Variants in CDC27 observed in about 807,000 individuals in gnomAD.
CDC27 encodes the protein cell division cycle protein 27 homolog.
Under a neutral mutation model 109.7 loss-of-function variants are expected in CDC27, and 27 were observed. The observed-to-expected ratio is 0.25, with a 90% CI of 0.18 to 0.34. The LOEUF is 0.34. Among genes scored for constraint, CDC27 ranks in the 10% least tolerant of loss-of-function variants. The pLI, the probability that CDC27 is intolerant of heterozygous loss-of-function variation, is 1.00. For missense variants in CDC27, 579 were observed against 960.2 expected, an observed-to-expected ratio of 0.60 and a Z score of 5.25; for synonymous variants, 266 against 333.9, an observed-to-expected ratio of 0.80 and a Z score of 2.22.
At chr17:47,172,183 C>G (rs2063831497) in intron 2 of CDC27, 119 bp from the exon 3 acceptor site, 1 of 581,512 alleles carries the variant, frequency 1.7e-6, no homozygotes, top group African/African-American at 2.0e-5. Flanking sequence ...TAACACAAAA[C>G]AATCACTTAT....
At position 47,170,037 on chromosome 17, in the gene CDC27, G is replaced by A; in HGVS notation, c.257C>T (p.Ala86Val). The change falls in exon 4 of 19, where the codon GCA becomes GTA. Residue 86 changes from alanine (A) to valine (V), a missense_variant. Physicochemically the swap from Ala to Val is moderately conservative, Grantham distance 64 (BLOSUM62 0). Around this residue, in one of 9 missense-constraint regions of CDC27, gnomAD observed 52 missense variants for 63.4 expected, o/e 0.82. Transcript: ENST00000066544. ...AKCCVDLSKL[A>V]EGEQILSGGV... The stretch of plus-strand genomic sequence containing the variant: ...ACCAGATAAGATTTGTTCCCCTTCT[G>A]CAAGCCTTTAAAATACAAATTTAAA... 6.6e-7 allele frequency: 1 copy of A among 1,508,050 alleles called. No individual in the cohort carries two copies. Among genetic ancestry groups the A allele is most frequent in the Non-Finnish European group, 8.8e-7 (1 of 1,131,052 alleles). 93.4% of individuals were successfully genotyped at this position (1,508,050 alleles called of 1,614,324 possible). A position where few individuals can be genotyped will look rare whatever the true frequency, so the allele number is the denominator to read the frequency against.
At chr17:47,166,013 C>T (rs992605902) in intron 4 of CDC27, among the ~76,000 whole-genome samples, 1 of 152,146 alleles carries the variant, frequency 6.6e-6, no homozygotes, top group African/African-American at 2.4e-5. Context: ...GAATTACTGG[C>T]TCAAATAGTA....
intron 2 of CDC27, among the ~76,000 whole-genome samples, chr17:47,172,538 G>C (rs943468393): frequency 6.6e-6 from 1 of 151,932 alleles, no homozygotes; most frequent in African/African-American, 2.4e-5. Flanking sequence ...AAATCCACTT[G>C]TTTTGCTTTA....
chr17:47,155,188 A>G (rs1021655123), intron 7 of CDC27, among the ~76,000 whole-genome samples: 2 of 152,198 alleles, frequency 1.3e-5, no homozygotes, highest in African/African-American at 4.8e-5. Context: ...TCTCATGGTC[A>G]TGCTATTTTA....
rs201209799 is a variant in CDC27, at chr17:47,154,784, A to T, written c.845T>A (p.Phe282Tyr). 7 of 1,514,712 alleles carry T rather than the reference A, an allele frequency of 4.6e-6. No homozygotes were observed. Among genetic ancestry groups the T allele is most frequent in the Non-Finnish European group, 4.6e-6 (5 of 1,091,072 alleles). 93.8% of individuals were successfully genotyped at this position (1,514,712 alleles called of 1,614,324 possible). ...TGGGGTTTCTAATGGCAAAATCCCA[A>T]AACTGAGAAGAGGTTGAAATCAAGG... ...PAALSPLTPS[F>Y]GILPLETPSP... The change falls in exon 8 of 19, where the codon TTT becomes TAT. Residue 282 changes from phenylalanine to tyrosine, a missense_variant and splice_region_variant. Physicochemically the swap from Phe to Tyr is conservative, Grantham distance 22. Around this residue, in one of 9 missense-constraint regions of CDC27, gnomAD observed 74 missense variants for 148.9 expected, o/e 0.50. Coordinates refer to ENST00000066544, the MANE Select transcript of CDC27 (RefSeq NM_001256.6).
At chr17:47,169,156 A>G (rs11570479) in intron 4 of CDC27, among the ~76,000 whole-genome samples, 255 of 151,794 alleles carry the variant, frequency 1.7e-3, no homozygotes, top group African/African-American at 5.8e-3. Context: ...ACACCCAGCT[A>G]ATTTTTTATT....
At chr17:47,187,737 A>G (rs533125162) in intron 1 of CDC27, among the ~76,000 whole-genome samples, 391 of 152,086 alleles carry the variant, frequency 2.6e-3, no homozygotes, top group Non-Finnish European at 3.4e-3. Context: ...TTAAAACAAA[A>G]TTATAAGAAT....
intron 4 of CDC27, among the ~76,000 whole-genome samples, chr17:47,166,064 A>G (rs1332437589): frequency 6.6e-6 from 1 of 152,162 alleles, no homozygotes; most frequent in Non-Finnish European, 1.5e-5. Context: ...TTATTTTTAT[A>G]TATCACTGAT....
intron 12 of CDC27, among the ~76,000 whole-genome samples, chr17:47,140,201 C>G (rs989796093): frequency 3.9e-5 from 6 of 152,104 alleles, no homozygotes; most frequent in African/African-American, 1.4e-4. Context: ...CAGCCTTGAC[C>G]TGCAGGGCTC....
At chr17:47,138,929 T>A (rs957385527) in intron 12 of CDC27, 38 bp from the exon 13 acceptor site, 7 of 1,348,662 alleles carry the variant, frequency 5.2e-6, no homozygotes, top group Non-Finnish European at 7.2e-6. Context: ...AACAAGTTGA[T>A]ACAATTTATA....
chr17:47,154,641 A>C lies in CDC27; in HGVS notation c.957+31T>G, dbSNP rs182604402. The C allele has an allele frequency of 1.5e-4, 175 of 1,169,108 alleles. No individual in the cohort carries two copies. The African/African-American group carries it at 2.5e-3, about 16-fold the overall frequency. 72.4% of individuals were successfully genotyped at this position (1,169,108 alleles called of 1,614,324 possible). ...TGAAATAAACAAGTTGCTTTAATCA[A>C]TTCCCAAACTGCATTTTACATGGAA... On this transcript the variant is annotated intron_variant, in intron 8 of 18. Transcript: ENST00000066544.
chr17:47,154,245 C>T (rs1371960405), intron 8 of CDC27, among the ~76,000 whole-genome samples: 1 of 151,480 alleles, frequency 6.6e-6, no homozygotes, highest in Non-Finnish European at 1.5e-5. Context: ...AATTTTTTTT[C>T]ATATAATTAT....
chr17:47,145,615 C>A (rs2062932557), intron 9 of CDC27, among the ~76,000 whole-genome samples: 1 of 152,054 alleles, frequency 6.6e-6, no homozygotes, highest in South Asian at 2.1e-4. Context: ...TAAAGGTCAA[C>A]CATGTGGCCG....
At chr17:47,168,521 C>T (rs1567702944) in intron 4 of CDC27, among the ~76,000 whole-genome samples, 1 of 152,078 alleles carries the variant, frequency 6.6e-6, no homozygotes, top group Admixed American at 6.6e-5. Flanking sequence ...TCTTTATATT[C>T]AAGCCAAGTA....
intron 2 of CDC27, among the ~76,000 whole-genome samples, chr17:47,174,371 T>C (rs1320539716): frequency 1.3e-5 from 2 of 152,210 alleles, no homozygotes; most frequent in African/African-American, 4.8e-5. Context: ...TTCAGAAAAC[T>C]TCTTGAGGCT....
chr17:47,179,479 C>A (rs1345012367), intron 2 of CDC27, among the ~76,000 whole-genome samples: 1 of 152,176 alleles, frequency 6.6e-6, no homozygotes, highest in East Asian at 1.9e-4. Context: ...TTACTAGTTA[C>A]CGCCTGTGGA....
Position 47,188,847 on chromosome 17 carries a change from C to A in CDC27, c.27+299G>T. On this transcript the variant is annotated intron_variant, in intron 1 of 18. Coordinates refer to ENST00000066544, the MANE Select transcript of CDC27 (RefSeq NM_001256.6). ...TTTTCGGCCCCTCATCTCCCACCCC[C>A]AGTCAAGCCAGGCCCCTGGACTGAC... The A allele has an allele frequency of 2.3e-6, 3 of 1,286,590 alleles. No homozygotes were observed. In the South Asian group the frequency reaches 6.7e-5, roughly 29 times the overall value. The allele number at this position is 1,286,590 out of a possible 1,614,324, so 79.7% of individuals were successfully genotyped here. A position where few individuals can be genotyped will look rare whatever the true frequency, so the allele number is the denominator to read the frequency against.
In CDC27 at chr17:47,158,192, C is replaced by A; in HGVS notation, c.475+14G>T. ...AGATGGGAACCCACCCACCTCTCAA[C>A]CCCACCCACCTACCTATTTCACATA... is the stretch of plus-strand genomic sequence containing the variant. On this transcript the variant is annotated intron_variant, in intron 5 of 18. Transcript: ENST00000066544. 3.1e-6 allele frequency: 4 copies of A among 1,298,778 alleles called. No individual in the cohort carries two copies. Among genetic ancestry groups the A allele is most frequent in the South Asian group, 1.5e-5 (1 of 68,442 alleles). The allele number at this position is 1,298,778 out of a possible 1,614,324, so 80.5% of individuals were successfully genotyped here. A position where few individuals can be genotyped will look rare whatever the true frequency, so the allele number is the denominator to read the frequency against.
chr17:47,162,443 T>C (rs1052454714), intron 4 of CDC27, among the ~76,000 whole-genome samples: 1 of 152,214 alleles, frequency 6.6e-6, no homozygotes, highest in Non-Finnish European at 1.5e-5. Flanking sequence ...TCTCTGAGAA[T>C]GGAGAATTAG....
Sources: allele counts gnomAD v4.1 joint callset (sites outside exome capture counted in the v4.1 genomes callset), GRCh38; gene constraint gnomAD v4.1.1; regional missense constraint gnomAD v4.1.1; transcripts MANE v1.5; gene names NCBI Gene and HGNC (gene_info 2026-07-23, HGNC 2026-07-21).